The following TP73 variants were observed in gnomAD, a reference collection of about 807,000 sequenced individuals.
TP73 encodes p53-like transcription factor.
TP73 carries 25 observed loss-of-function variants against 62.5 expected under a neutral mutation model. The observed-to-expected ratio is 0.40, with a 90% CI of 0.29 to 0.56. The LOEUF is 0.56. Among genes scored for constraint, TP73 ranks in the 20% least tolerant of loss-of-function variants. The pLI is 0.46. For missense variants in TP73, 754 were observed against 913.3 expected, an observed-to-expected ratio of 0.83 and a Z score of 2.25; for synonymous variants, 423 against 377.5, an observed-to-expected ratio of 1.12 and a Z score of -1.40.
intron 1 of TP73, among the ~76,000 whole-genome samples, chr1:3,664,982 C>T (rs1356819933): frequency 2.6e-5 from 4 of 152,178 alleles, no homozygotes; most frequent in Non-Finnish European, 5.9e-5. Flanking sequence ...AAGTCAGCCC[C>T]CAAATTACAG....
At chr1:3,700,233 C>T (rs1166384373) in intron 3 of TP73, among the ~76,000 whole-genome samples, 2 of 152,034 alleles carry the variant, frequency 1.3e-5, no homozygotes, top group Non-Finnish European at 2.9e-5. Flanking sequence ...CAGCCAAAAC[C>T]GTGGCCTTTG....
chr1:3,707,951 C>T (rs1639815303), intron 4 of TP73, 160 bp downstream of exon 4: 6 of 1,260,404 alleles, frequency 4.8e-6, no homozygotes, highest in Non-Finnish European at 6.5e-6. Context: ...GGAGGCGGGT[C>T]TCAGGGCCGG....
rs1001426143 is a variant in TP73, at chr1:3,662,545, C to T, written c.-34+9904C>T. Among the ~76,000 whole-genome samples the T allele has an allele frequency of 2.0e-5, 3 of 152,200 alleles. No individual in the cohort carries two copies. The highest frequency in any genetic ancestry group is 4.8e-5 in the African/African-American group (2 of 41,466). On this transcript the variant is annotated intron_variant, in intron 1 of 13. Transcript: ENST00000378295. The surrounding 1 kb of genome is among the most constrained non-coding windows in gnomAD (Gnocchi z 4.4). Reference sequence around the variant, plus strand: ...GAGTTACCTGGAGCCGCTCTCCTCCCGGCATAGAGACCTTTACGAATGGAA... The same window carrying T: ...GAGTTACCTGGAGCCGCTCTCCTCCTGGCATAGAGACCTTTACGAATGGAA...
intron 3 of TP73, among the ~76,000 whole-genome samples, chr1:3,702,934 G>A (rs545307563): frequency 1.4e-4 from 21 of 152,342 alleles, no homozygotes; most frequent in African/African-American, 4.8e-4. Context: ...GTTAGGTTCA[G>A]GGTTCCCTGT....
intron 1 of TP73, among the ~76,000 whole-genome samples, chr1:3,681,915 A>T (rs1379244539): frequency 9.2e-6 from 1 of 109,074 alleles, no homozygotes; most frequent in East Asian, 2.4e-4. Flanking sequence ...CCAAACCTAG[A>T]CACAGTGGAT....
intron 1 of TP73, among the ~76,000 whole-genome samples, chr1:3,678,545 T>C (rs906960280): frequency 1.3e-5 from 2 of 152,236 alleles, no homozygotes; most frequent in Non-Finnish European, 2.9e-5. Flanking sequence ...TCCCAGGAAG[T>C]TGGGAATCAG....
chr1:3,655,624 GAA>G (rs540055216), intron 1 of TP73, among the ~76,000 whole-genome samples: 59 of 152,310 alleles, frequency 3.9e-4, no homozygotes, highest in African/African-American at 1.3e-3. Flanking sequence ...TGAATGTGGT[GAA>G]AGTTTTCTAA....
intron 1 of TP73, among the ~76,000 whole-genome samples, chr1:3,659,960 G>A (rs1383474687): frequency 6.6e-6 from 1 of 152,184 alleles, no homozygotes; most frequent in Non-Finnish European, 1.5e-5. Flanking sequence ...GATTACAGAC[G>A]TGAGCCACTG....
Position 3,705,914 on chromosome 1 carries a change from C to T in TP73, c.187-1635C>T, listed in dbSNP as rs969087966. On this transcript the variant is annotated intron_variant, in intron 3 of 13. Transcript: ENST00000378295. Reference sequence around the variant, plus strand: ...GCCGAGGGCCTCTGGGTCACTAAACCCAACCACCTCTGATGGAGAAGGCTG... The same window carrying T: ...GCCGAGGGCCTCTGGGTCACTAAACTCAACCACCTCTGATGGAGAAGGCTG... Among the ~76,000 whole-genome samples the T allele has an allele frequency of 8.5e-5, 13 of 152,318 alleles. No individual in the cohort carries two copies. In the East Asian group the frequency reaches 1.9e-3, roughly 23 times the overall value.
At chr1:3,727,466 C>T in intron 7 of TP73, 162 bp from the exon 8 acceptor site, 4 of 1,124,334 alleles carry the variant, frequency 3.6e-6, no homozygotes, top group Non-Finnish European at 5.0e-6. Context: ...CTTTGAGCCT[C>T]TGACTCCCTC....
At chr1:3,677,724 A>G (rs548480644) in intron 1 of TP73, among the ~76,000 whole-genome samples, 1 of 127,196 alleles carries the variant, frequency 7.9e-6, no homozygotes, top group Non-Finnish European at 1.6e-5. Flanking sequence ...GTTGTGGTCT[A>G]GCTCTGTTGC....
At chr1:3,697,175 G>T (rs569768982) in intron 3 of TP73, among the ~76,000 whole-genome samples, 1 of 108,084 alleles carries the variant, frequency 9.3e-6, no homozygotes, top group Non-Finnish European at 2.1e-5. Flanking sequence ...CGCGGCCCAC[G>T]TCGCACCCGC....
intron 12 of TP73, 78 bp from the exon 13 acceptor site, chr1:3,731,385 C>T: frequency 1.4e-6 from 2 of 1,432,340 alleles, no homozygotes; most frequent in Non-Finnish European, 1.9e-6. Flanking sequence ...CCCAGCCAGG[C>T]CACTCTCAGA....
chr1:3,669,027 G>T (rs1256667718), intron 1 of TP73, among the ~76,000 whole-genome samples: 2 of 152,250 alleles, frequency 1.3e-5, no homozygotes, highest in Non-Finnish European at 2.9e-5. Context: ...CGGCCACGCT[G>T]CCGCCTAGTT....
chr1:3,730,389 C>T (rs1450269046), intron 11 of TP73, among the ~76,000 whole-genome samples: 1 of 152,238 alleles, frequency 6.6e-6, no homozygotes, highest in East Asian at 1.9e-4. Context: ...CATGCACTGC[C>T]TCTTGGCAGG....
intron 4 of TP73, among the ~76,000 whole-genome samples, chr1:3,718,154 C>T (rs990318317): frequency 6.6e-6 from 1 of 152,186 alleles, no homozygotes; most frequent in South Asian, 2.1e-4. Context: ...GTGGGTGGTC[C>T]GGCCGCCGCC....
At chr1:3,725,381 T>G (rs957512986) in intron 6 of TP73, among the ~76,000 whole-genome samples, 2 of 15,156 alleles carry the variant, frequency 1.3e-4, no homozygotes, top group Admixed American at 9.6e-4. Context: ...AGTGGGTGGA[T>G]GGGTGGATGG....
At position 3,733,190 on chromosome 1, in the gene TP73, C is replaced by G. The variant is rs544405582; in HGVS notation, c.*111C>G. On this transcript the variant is annotated 3_prime_UTR_variant, in exon 14 of 14. Coordinates refer to ENST00000378295, the MANE Select transcript of TP73 (RefSeq NM_005427.4). The stretch of plus-strand genomic sequence containing the variant: ...GGAGGCAGGACCTTCGGGCTGTGCC[C>G]GGGGAAAGGCAAGGTCCGGCCCATC... The G allele has an allele frequency of 5.6e-5, 72 of 1,287,452 alleles. 1 individual carries two copies. In the East Asian group the frequency reaches 8.7e-4, roughly 16 times the overall value. 79.8% of individuals were successfully genotyped at this position (1,287,452 alleles called of 1,614,324 possible). A position where few individuals can be genotyped will look rare whatever the true frequency, so the allele number is the denominator to read the frequency against.
At chr1:3,658,633 T>C (rs1191621763) in intron 1 of TP73, among the ~76,000 whole-genome samples, 2 of 152,236 alleles carry the variant, frequency 1.3e-5, no homozygotes, top group Admixed American at 1.3e-4. Flanking sequence ...ATGTCCTTTA[T>C]AGATGTCAAT....
Sources: gnomAD v4.1 joint callset for allele counts (sites outside exome capture counted in the v4.1 genomes callset) on GRCh38, gnomAD v4.1.1 for gene constraint, Gnocchi (gnomAD v3.1) non-coding constraint, MANE v1.5 for transcripts, NCBI Gene and HGNC (gene_info 2026-07-23, HGNC 2026-07-21) for gene names.